DAB1: variants seen among roughly 807,000 people sequenced by gnomAD.
DAB1 encodes DAB adaptor protein 1.
DAB1 carries 15 observed loss-of-function variants against 64.6 expected under a neutral mutation model. The ratio of observed to expected loss-of-function variants is 0.23; its 90% CI spans 0.16 to 0.36. DAB1 has a LOEUF of 0.36. Ranked by LOEUF, DAB1 falls within the 10% of genes least tolerant of loss-of-function variation. The pLI is 1.00. For synonymous variants in DAB1, 235 were observed against 251.9 expected (o/e 0.93, Z 0.64); for missense variants, 596 against 706.7 (o/e 0.84, Z 1.78).
chr1:57,133,562 T>C (rs913840089), intron 4 of DAB1, among the ~76,000 whole-genome samples: 1 of 152,208 alleles, frequency 6.6e-6, no homozygotes, highest in Non-Finnish European at 1.5e-5. Flanking sequence ...ATTTATTCCC[T>C]GCAACAAGCT....
chr1:57,135,163 C>A (rs1453845491), intron 4 of DAB1, among the ~76,000 whole-genome samples: 1 of 152,148 alleles, frequency 6.6e-6, no homozygotes. Context: ...GCATTACATA[C>A]ATTCACATTT....
At chr1:57,859,110 C>T (rs527440712) in intron 1 of DAB1, among the ~76,000 whole-genome samples, 2 of 152,196 alleles carry the variant, frequency 1.3e-5, no homozygotes, top group Non-Finnish European at 2.9e-5. Flanking sequence ...CCTAAGCAGC[C>T]GAGATGGCTT....
At chr1:58,082,477 C>T (rs1208062480) in intron 5 of DAB1, among the ~76,000 whole-genome samples, 1 of 151,424 alleles carries the variant, frequency 6.6e-6, no homozygotes, top group Admixed American at 6.6e-5. Context: ...ACTTTCCTGT[C>T]TCGTGAAAGA....
At chr1:57,859,838 AGGACTATACCT>A (rs1284024188) in intron 1 of DAB1, among the ~76,000 whole-genome samples, 1 of 152,224 alleles carries the variant, frequency 6.6e-6, no homozygotes, top group Admixed American at 6.5e-5. Context: ...TGTGAATACC[AGGACTATACCT>A]GGATGAAGGT....
chr1:57,056,486 C>T (rs1248872890), intron 9 of DAB1, among the ~76,000 whole-genome samples: 1 of 123,344 alleles, frequency 8.1e-6, no homozygotes, highest in Middle Eastern at 6.0e-3. Context: ...GCCTTGGTGA[C>T]AGAGTAAGAG....
At chr1:57,815,890 C>A (rs191835536) in intron 6 of DAB1, among the ~76,000 whole-genome samples, 47 of 152,316 alleles carry the variant, frequency 3.1e-4, no homozygotes, top group African/African-American at 1.1e-3. Flanking sequence ...AGAACAGGAA[C>A]ATGATCTTTT....
Position 58,445,327 on chromosome 1 carries a change from T to C in DAB1, n.257+60733A>G, listed in dbSNP as rs576140839. 2.0e-5 allele frequency among the ~76,000 whole-genome samples: 3 copies of C among 152,332 alleles called. No individual in the cohort carries two copies. In the South Asian group the frequency reaches 6.2e-4, roughly 32 times the overall value. On this transcript the variant is annotated intron_variant and non_coding_transcript_variant, in intron 3 of 20. Coordinates refer to the DAB1 transcript ENST00000485760. ...TCCCAATAATTGGATGAAATAAAAA[T>C]CAATATTCCCACCTTACGGAGGAAG... is the stretch of plus-strand genomic sequence containing the variant.
chr1:57,575,413 C>T (rs987894653), intron 7 of DAB1, among the ~76,000 whole-genome samples: 1 of 152,146 alleles, frequency 6.6e-6, no homozygotes, highest in Non-Finnish European at 1.5e-5. Context: ...AGGTGCAATT[C>T]TCAACCTCAT....
intron 7 of DAB1, among the ~76,000 whole-genome samples, chr1:57,466,998 T>C (rs1423517870): frequency 3.3e-5 from 5 of 152,214 alleles, no homozygotes; most frequent in Non-Finnish European, 7.3e-5. Context: ...TTTTGACACA[T>C]AATGTGACAT....
At chr1:57,166,085 G>A (rs1273572864) in intron 2 of DAB1, among the ~76,000 whole-genome samples, 3 of 152,174 alleles carry the variant, frequency 2.0e-5, no homozygotes, top group Non-Finnish European at 4.4e-5. Context: ...TACTCAGTAA[G>A]GTCCAAGTAG....
chr1:57,261,284 T>C (rs1189652881), intron 2 of DAB1, among the ~76,000 whole-genome samples: 1 of 152,124 alleles, frequency 6.6e-6, no homozygotes, highest in East Asian at 1.9e-4. Flanking sequence ...GACAAACCTA[T>C]ACAGTATCCC....
At chr1:57,360,943 T>C (rs1375665840) in intron 1 of DAB1, among the ~76,000 whole-genome samples, 3 of 152,238 alleles carry the variant, frequency 2.0e-5, no homozygotes, top group African/African-American at 7.2e-5. Context: ...TCGCCTATTA[T>C]GTAAGGACCC....
chr1:58,300,610 A>AAGAAAGAG (rs1271283598), intron 4 of DAB1, among the ~76,000 whole-genome samples: 4 of 47,054 alleles, frequency 8.5e-5, no homozygotes, highest in Admixed American at 1.9e-4. Context: ...GAAAGAAAGA[A>AAGAAAGAG]AGAGAGAGAG....
rs1214740707 is a variant in DAB1, at chr1:57,365,704, C to T, written c.-137+58226G>A. Among the ~76,000 whole-genome samples the T allele has an allele frequency of 3.3e-5, 5 of 152,058 alleles. No homozygotes were observed. The East Asian group carries it at 5.8e-4, about 18-fold the overall frequency. On this transcript the variant is annotated intron_variant, in intron 1 of 14. Transcript: ENST00000371236. ...TCCGTGTACTATCCACTCTACCAGG[C>T]TTTTCATAGACAGGCAAGTTTAATT...
intron 1 of DAB1, among the ~76,000 whole-genome samples, chr1:57,305,968 CAAAAAAA>C (rs1048177276): frequency 2.2e-4 from 14 of 62,292 alleles, no homozygotes; most frequent in Admixed American, 1.1e-3. Flanking sequence ...GACTCCGTCT[CAAAAAAA>C]AAAAAAAAAA....
intron 6 of DAB1, among the ~76,000 whole-genome samples, chr1:57,771,012 A>G (rs1234854366): frequency 6.6e-6 from 1 of 152,204 alleles, no homozygotes; most frequent in Non-Finnish European, 1.5e-5. Context: ...CTCATTGTAC[A>G]GATGGCAAAC....
chr1:58,124,099 C>T (rs764903468), intron 5 of DAB1, among the ~76,000 whole-genome samples: 15 of 151,950 alleles, frequency 9.9e-5, no homozygotes, highest in Non-Finnish European at 1.6e-4. Flanking sequence ...AGTATGTGTG[C>T]GTGCATGTTT....
chr1:58,012,499 A>C (rs1201018259), intron 5 of DAB1, among the ~76,000 whole-genome samples: 1 of 152,196 alleles, frequency 6.6e-6, no homozygotes, highest in Non-Finnish European at 1.5e-5. Context: ...ATTAAAAAAA[A>C]ATTAATGTTT....
At chr1:58,524,316 A>G (rs1180071460) in intron 2 of DAB1, among the ~76,000 whole-genome samples, 1 of 152,234 alleles carries the variant, frequency 6.6e-6, no homozygotes, top group African/African-American at 2.4e-5. Flanking sequence ...CTTGGTCAGC[A>G]GAAGCTGCTT....
Sources: allele counts gnomAD v4.1 joint callset (sites outside exome capture counted in the v4.1 genomes callset), GRCh38; gene constraint gnomAD v4.1.1; transcripts MANE v1.5; gene names NCBI Gene and HGNC (gene_info 2026-07-23, HGNC 2026-07-21).